ARHGAP26: variants seen among roughly 807,000 people sequenced by gnomAD.
ARHGAP26 encodes the protein Rho GTPase activating protein 26.
A neutral mutation model predicts 104.8 loss-of-function variants in ARHGAP26; 38 were observed. The ratio of observed to expected loss-of-function variants is 0.36; its 90% CI spans 0.28 to 0.48. ARHGAP26 has a LOEUF of 0.48. Among genes scored for constraint, ARHGAP26 ranks in the 20% least tolerant of loss-of-function variants. The probability of loss-of-function intolerance (pLI) is 0.99; values close to 1 mark genes in which losing one functional copy is unlikely to be tolerated. For synonymous variants in ARHGAP26, 341 were observed against 340.0 expected, an observed-to-expected ratio of 1.00 and a Z score of -0.03; for missense variants, 704 against 947.9, an observed-to-expected ratio of 0.74 and a Z score of 3.38.
intron 17 of ARHGAP26, among the ~76,000 whole-genome samples, chr5:143,061,281 A>T (rs989734749): frequency 2.0e-5 from 3 of 152,220 alleles, no homozygotes; most frequent in Non-Finnish European, 4.4e-5. Flanking sequence ...TCATAGAGGA[A>T]ATAAGAGTAG....
At chr5:142,876,681 G>GGA (rs988494342) in intron 3 of ARHGAP26, among the ~76,000 whole-genome samples, 28 of 150,756 alleles carry the variant, frequency 1.9e-4, no homozygotes, top group Admixed American at 7.9e-4. Flanking sequence ...TTGGGAGGAG[G>GGA]GAGGAGGATC....
At chr5:142,999,338 G>A (rs551430054) in intron 11 of ARHGAP26, among the ~76,000 whole-genome samples, 1 of 152,198 alleles carries the variant, frequency 6.6e-6, no homozygotes, top group South Asian at 2.1e-4. Flanking sequence ...TTACCTGCTT[G>A]TCCTTTTAGC....
intron 17 of ARHGAP26, among the ~76,000 whole-genome samples, chr5:143,068,083 G>C (rs562035103): frequency 3.3e-5 from 5 of 152,314 alleles, no homozygotes; most frequent in African/African-American, 1.2e-4. Context: ...AGAATCGCTT[G>C]AGCCCAGGGA....
At chr5:142,850,469 C>T (rs948774469) in intron 1 of ARHGAP26, among the ~76,000 whole-genome samples, 2 of 152,160 alleles carry the variant, frequency 1.3e-5, no homozygotes, top group African/African-American at 2.4e-5. Context: ...AAAAAAACAA[C>T]ATTCTGTATT....
intron 11 of ARHGAP26, among the ~76,000 whole-genome samples, chr5:142,962,584 A>G (rs1370947388): frequency 6.6e-6 from 1 of 152,102 alleles, no homozygotes; most frequent in Non-Finnish European, 1.5e-5. Flanking sequence ...TTTGACTAAC[A>G]GGCCTGAATG....
intron 17 of ARHGAP26, among the ~76,000 whole-genome samples, chr5:143,072,858 A>T (rs1033045400): frequency 6.6e-6 from 1 of 152,136 alleles, no homozygotes; most frequent in African/African-American, 2.4e-5. Context: ...ATTTTATACT[A>T]CTCTAGGATG....
intron 10 of ARHGAP26, among the ~76,000 whole-genome samples, chr5:142,924,708 C>T (rs554429989): frequency 4.6e-5 from 7 of 152,308 alleles, no homozygotes; most frequent in African/African-American, 1.7e-4. Context: ...AGAAGGACCT[C>T]AATGGTTTAT....
chr5:142,923,436 A>G (rs544440763), intron 10 of ARHGAP26, among the ~76,000 whole-genome samples: 1 of 152,350 alleles, frequency 6.6e-6, no homozygotes, highest in East Asian at 1.9e-4. Flanking sequence ...AATACATGAA[A>G]CAGAAGCTAT....
intron 1 of ARHGAP26, among the ~76,000 whole-genome samples, chr5:142,836,999 G>T (rs1225245128): frequency 6.6e-6 from 1 of 152,146 alleles, no homozygotes; most frequent in Non-Finnish European, 1.5e-5. Flanking sequence ...TTACCCCATT[G>T]ATGTGTCCTT....
At chr5:142,988,787 G>C (rs1447899868) in intron 11 of ARHGAP26, among the ~76,000 whole-genome samples, 1 of 152,170 alleles carries the variant, frequency 6.6e-6, no homozygotes, top group Non-Finnish European at 1.5e-5. Context: ...CAGTTTCCCT[G>C]TAGTTGAGCG....
rs998996659 is a variant in ARHGAP26 at position 142,855,844 on chromosome 5, G to A, written c.155-17556G>A. ...TTGTAATGCCATGAAGGCACAGCCT[G>A]TCTACTTTTTACTTACTGTTGTCTC... On this transcript the variant is annotated intron_variant, in intron 1 of 22. Coordinates refer to ENST00000645722, the MANE Select transcript of ARHGAP26 (RefSeq NM_001135608.3). Among the ~76,000 whole-genome samples, 3 of 152,188 alleles carry A rather than the reference G, an allele frequency of 2.0e-5. No homozygotes were observed. In the South Asian group the frequency reaches 6.2e-4, roughly 32 times the overall value.
intron 20 of ARHGAP26, among the ~76,000 whole-genome samples, chr5:143,171,930 CCTTTTATTTCT>C (rs1175936637): frequency 1.3e-5 from 2 of 151,994 alleles, no homozygotes; most frequent in Admixed American, 6.6e-5. Context: ...TTGTTTCCTT[CCTTTTATTTCT>C]TAGAATCCAG....
intron 10 of ARHGAP26, among the ~76,000 whole-genome samples, chr5:142,925,671 C>G (rs1055991441): frequency 6.6e-6 from 1 of 152,176 alleles, no homozygotes; most frequent in African/African-American, 2.4e-5. Context: ...GCAGCTGATG[C>G]TCCATTCCTT....
At chr5:142,931,827 G>C (rs1764767138) in intron 10 of ARHGAP26, among the ~76,000 whole-genome samples, 1 of 152,208 alleles carries the variant, frequency 6.6e-6, no homozygotes, top group Non-Finnish European at 1.5e-5. Context: ...CATGTCTTCT[G>C]TGTTTCTGCC....
chr5:143,165,391 T>C (rs956674000), intron 20 of ARHGAP26: 1 of 152,242 alleles, frequency 6.6e-6, no homozygotes, highest in Non-Finnish European at 1.5e-5. Flanking sequence ...ATGGACTTTC[T>C]TGTACACGGT....
intron 1 of ARHGAP26, among the ~76,000 whole-genome samples, chr5:142,826,075 T>C (rs1250767954): frequency 2.6e-5 from 4 of 152,228 alleles, no homozygotes; most frequent in Admixed American, 2.6e-4. Context: ...AATTAGAACA[T>C]CTTTCTGTCT....
intron 1 of ARHGAP26, among the ~76,000 whole-genome samples, chr5:142,787,542 C>G (rs1758917636): frequency 1.3e-5 from 2 of 152,146 alleles, no homozygotes; most frequent in Admixed American, 1.3e-4. Context: ...TTACATCTCC[C>G]TCCCTTGGAC....
chr5:142,890,148 AAAAAT>A (rs1408983624), intron 5 of ARHGAP26, among the ~76,000 whole-genome samples: 8 of 83,272 alleles, frequency 9.6e-5, no homozygotes, highest in Admixed American at 3.8e-4. Flanking sequence ...AAAAAAAAAA[AAAAAT>A]ATATATATAT....
chr5:142,815,602 A>G (rs527652130), intron 1 of ARHGAP26, among the ~76,000 whole-genome samples: 16 of 152,296 alleles, frequency 1.1e-4, no homozygotes, highest in South Asian at 2.1e-4. Context: ...GCCACCTTCT[A>G]GCACCTTCCC....
Sources: allele counts gnomAD v4.1 joint callset (sites outside exome capture counted in the v4.1 genomes callset), GRCh38; gene constraint gnomAD v4.1.1; transcripts MANE v1.5; gene names NCBI Gene and HGNC (gene_info 2026-07-23, HGNC 2026-07-21).